Variants in PSMG2 observed in about 807,000 individuals in gnomAD.
PSMG2 encodes the protein proteasome assembly chaperone 2, also known as CD40 ligand-activated specific transcript 3.
A neutral mutation model predicts 31.5 loss-of-function variants in PSMG2; 21 were observed. The observed-to-expected ratio is 0.67, with a 90% CI of 0.47 to 0.96. The LOEUF (loss-of-function observed/expected upper bound fraction) is 0.96, where lower values mean the gene tolerates loss of function less well. Ranked by LOEUF, PSMG2 falls within the 40% of genes least tolerant of loss-of-function variation. The pLI is 0.00. For synonymous variants in PSMG2, 120 were observed against 110.4 expected, an observed-to-expected ratio of 1.09 and a Z score of -0.54; for missense variants, 318 against 321.2, an observed-to-expected ratio of 0.99 and a Z score of 0.08.
intron 5 of PSMG2, among the ~76,000 whole-genome samples, chr18:12,720,978 A>G (rs1276051296): frequency 3.3e-5 from 5 of 152,108 alleles, no homozygotes; most frequent in African/African-American, 1.2e-4. Context: ...CAGGAGATCG[A>G]GACCATCCTG....
chr18:12,702,644 C>A, upstream of PSMG2: 1 of 1,373,634 alleles, frequency 7.3e-7, no homozygotes, highest in Admixed American at 2.3e-5. Flanking sequence ...GCGACTGGAG[C>A]ACAAAGCGCC....
At chr18:12,665,067 A>G (rs1284330951) in intron 1 of PSMG2, 1 of 151,990 alleles carries the variant, frequency 6.6e-6, no homozygotes, top group Non-Finnish European at 1.5e-5. Flanking sequence ...ATGTACAGGT[A>G]GAGGTCTAGA....
At chr18:12,705,582 T>A (rs1232447197) in intron 1 of PSMG2, among the ~76,000 whole-genome samples, 14 of 150,758 alleles carry the variant, frequency 9.3e-5, no homozygotes, top group African/African-American at 2.2e-4. Flanking sequence ...AGAGAGTGTG[T>A]GTGTGTGTGT....
intron 1 of PSMG2, chr18:12,678,948 A>C (rs2039245672): frequency 6.6e-6 from 1 of 152,074 alleles, no homozygotes; most frequent in South Asian, 2.1e-4. Flanking sequence ...TCCAAGAAAA[A>C]AAAATAAAAA....
At position 12,696,124 on chromosome 18, in the gene PSMG2, G is replaced by C. The variant is rs117435565; in HGVS notation, c.-36-10426G>C. Among the ~76,000 whole-genome samples the C allele has an allele frequency of 8.5e-5, 13 of 152,194 alleles. No individual in the cohort carries two copies. In the East Asian group the frequency reaches 2.5e-3, roughly 29 times the overall value. On this transcript the variant is annotated intron_variant, in intron 1 of 6. Coordinates refer to the PSMG2 transcript ENST00000585331. ...TATTTTTGAAGACAAATTGGGTATT[G>C]TTTTTGAAAATAAATTTCTTACATA... is the stretch of plus-strand genomic sequence containing the variant.
rs757961366 is a variant in PSMG2, at chr18:12,703,059, G to A, written c.-49G>A. 4 of 1,593,834 alleles carry A rather than the reference G, an allele frequency of 2.5e-6. No homozygotes were observed. Among genetic ancestry groups the A allele is most frequent in the South Asian group, 1.1e-5 (1 of 88,574 alleles). ...GGGCTTCCGCCTTCTTGCTGCCCTCGTTCTTGCCAGGGCCGCGGTTAGTCC... is the reference window on the plus strand; with the variant it reads ...GGGCTTCCGCCTTCTTGCTGCCCTCATTCTTGCCAGGGCCGCGGTTAGTCC... On this transcript the variant is annotated 5_prime_UTR_variant, in exon 1 of 7. Transcript: ENST00000317615.
chr18:12,703,609 T>G (rs960730932), intron 1 of PSMG2, among the ~76,000 whole-genome samples: 2 of 152,200 alleles, frequency 1.3e-5, no homozygotes, highest in Non-Finnish European at 2.9e-5. Context: ...TTATATTCAT[T>G]CATTGTTTTA....
upstream of PSMG2, chr18:12,702,292 G>C (rs2040184635): frequency 1.8e-6 from 1 of 549,650 alleles, no homozygotes; most frequent in Non-Finnish European, 3.2e-6. Flanking sequence ...GCACCTGCTC[G>C]GCTCGTTTTC....
chr18:12,694,811 C>T (rs2039891295), intron 1 of PSMG2, among the ~76,000 whole-genome samples: 1 of 151,558 alleles, frequency 6.6e-6, no homozygotes, highest in African/African-American at 2.4e-5. Context: ...TACCGGTTCA[C>T]GCCATTCTCC....
At chr18:12,706,202 C>T (rs899031977) in intron 1 of PSMG2, among the ~76,000 whole-genome samples, 3 of 152,236 alleles carry the variant, frequency 2.0e-5, no homozygotes, top group African/African-American at 4.8e-5. Flanking sequence ...GGCGTGTTGG[C>T]TCACGCCTGT....
chr18:12,699,150 C>A (rs772660362), upstream of PSMG2: 1 of 1,614,078 alleles, frequency 6.2e-7, no homozygotes, highest in Admixed American at 1.7e-5. Flanking sequence ...TCCAAGAAAG[C>A]TTTTCCACCC....
chr18:12,675,010 A>C (rs1210688277), intron 1 of PSMG2, among the ~76,000 whole-genome samples: 3 of 152,326 alleles, frequency 2.0e-5, no homozygotes, highest in Non-Finnish European at 2.9e-5. Flanking sequence ...CAAATCCTGT[A>C]CTTCTCTAAT....
intron 5 of PSMG2, among the ~76,000 whole-genome samples, chr18:12,721,574 T>C (rs1479899280): frequency 6.6e-6 from 1 of 152,216 alleles, no homozygotes; most frequent in Non-Finnish European, 1.5e-5. Flanking sequence ...GGTGTTGATG[T>C]TCCCATTTTC....
intron 1 of PSMG2, chr18:12,697,240 A>G: frequency 6.2e-7 from 1 of 1,612,978 alleles, no homozygotes; most frequent in Non-Finnish European, 8.5e-7. Context: ...CATAAGTTCC[A>G]CAGTCAGACT....
chr18:12,702,506 T>C, upstream of PSMG2: 1 of 1,610,064 alleles, frequency 6.2e-7, no homozygotes, highest in Non-Finnish European at 8.5e-7. Context: ...TGCTGGTGGA[T>C]GAGCTGCTTC....
chr18:12,686,199 G>A, intron 1 of PSMG2: 7 of 1,329,394 alleles, frequency 5.3e-6, no homozygotes, highest in Non-Finnish European at 2.1e-6. Context: ...TTTTACAAAT[G>A]GATTACAAAT....
intron 1 of PSMG2, among the ~76,000 whole-genome samples, chr18:12,674,354 G>GT (rs372589421): frequency 6.6e-5 from 10 of 151,550 alleles, no homozygotes; most frequent in African/African-American, 2.4e-4. Context: ...AGGTGGAAGG[G>GT]TCACTTGGGC....
intron 1 of PSMG2, chr18:12,662,203 A>AC (rs398120189): frequency 1.1e-5 from 5 of 445,872 alleles, no homozygotes; most frequent in Non-Finnish European, 2.2e-5. Context: ...AAAAAAAAAA[A>AC]CAGCATATTT....
At chr18:12,673,105 A>G in intron 1 of PSMG2, 1 of 1,039,958 alleles carries the variant, frequency 9.6e-7, no homozygotes, top group Non-Finnish European at 1.2e-6. Context: ...ATAACTGTAA[A>G]CAAAGTAGCA....
Sources: allele counts gnomAD v4.1 joint callset (sites outside exome capture counted in the v4.1 genomes callset), GRCh38; gene constraint gnomAD v4.1.1; transcripts MANE v1.5; gene names NCBI Gene and HGNC (gene_info 2026-07-23, HGNC 2026-07-21).